Variants in TTN observed in about 807,000 individuals in gnomAD.
TTN encodes the protein titin, also known as connectin.
A neutral mutation model predicts 3,223.0 loss-of-function variants in TTN; 1,525 were observed. The observed-to-expected ratio is 0.47, with a 90% CI of 0.45 to 0.49. The LOEUF is 0.49. TTN is among the 20% of genes least tolerant of loss of function. The pLI, the probability that TTN is intolerant of heterozygous loss-of-function variation, is 0.00. For missense variants in TTN, 40,786 were observed against 43,424.0 expected (o/e 0.94, Z 5.40); for synonymous variants, 14,094 against 15,161.0 (o/e 0.93, Z 5.17).
At position 178,579,592 on chromosome 2, in the gene TTN, G is replaced by T. The variant is rs750847940; in HGVS notation, c.67605C>A (p.Ser22535Arg). The change falls in exon 319 of 363, where the codon AGC becomes AGA. Residue 22535 changes from serine to arginine, a missense_variant. Physicochemically the swap from Ser to Arg is moderately radical, Grantham distance 110 (BLOSUM62 -1). Transcript: ENST00000589042. ...CATCCCTTGCCACAACAGTGATTTC[G>T]CTTGGGGTTCCTTCTCCATTTTCAT... The part of the protein sequence containing the change: ...AENENGEGTP[S>R]EITVVARDDV... 1 of 1,613,206 alleles carries T rather than the reference G, an allele frequency of 6.2e-7. No homozygotes were observed. The highest frequency in any genetic ancestry group is 8.5e-7 in the Non-Finnish European group (1 of 1,179,480).
At chr2:178,610,068 G>A (rs530072789) in intron 271 of TTN, 22 bp downstream of exon 271, 2 of 1,612,488 alleles carry the variant, frequency 1.2e-6, no homozygotes, top group Admixed American at 1.7e-5. Flanking sequence ...CTTAGCCATA[G>A]TGCATCCATG....
At position 178,533,129 on chromosome 2, in the gene TTN, T is replaced by C. The variant is rs183912990; in HGVS notation, c.103486A>G (p.Thr34496Ala). 5.0e-6 allele frequency: 8 copies of C among 1,614,000 alleles called. No homozygotes were observed. In the Admixed American group the frequency reaches 5.0e-5, roughly 10 times the overall value. Reference protein sequence around the residue: ...ILSGTESVPLTQVAKEALREA... With the variant: ...ILSGTESVPLAQVAKEALREA... ...CTCAGAGCCTCTTTAGCTACCTGTG[T>C]CAGTGGTACACTTTCAGTTCCAGAA... Residue 34496 changes from threonine to alanine, a missense_variant, in exon 358 of 363, where the codon ACA becomes GCA. By Grantham distance (58) the Thr-to-Ala change is moderately conservative. Coordinates refer to ENST00000589042, the MANE Select transcript of TTN (RefSeq NM_001267550.2).
chr2:178,621,977 T>C lies in TTN; in HGVS notation c.44945A>G (p.Lys14982Arg). 2 of 1,610,408 alleles carry C rather than the reference T, an allele frequency of 1.2e-6. No homozygotes were observed. The highest frequency in any genetic ancestry group is 1.7e-6 in the Non-Finnish European group (2 of 1,178,062). ...VKWFKDGAEI[K>R]KGKKYDIISK... ...TATGATGTCATATTTTTTGCCCTTT[T>C]TAATTTCAGCACCATCTTTAAACCA... Residue 14982 changes from lysine to arginine, a missense_variant, in exon 244 of 363, where the codon AAA becomes AGA. By Grantham distance (26) the Lys-to-Arg change is conservative. Transcript: ENST00000589042.
At chr2:178,650,341 C>T (rs1028900103) in intron 209 of TTN, 70 bp from the exon 210 acceptor site, 26 of 1,299,364 alleles carry the variant, frequency 2.0e-5, no homozygotes, top group East Asian at 5.1e-5. Flanking sequence ...ACACTAAACA[C>T]GATAAATAGT....
At chr2:178,748,470 G>GT (rs752823706) in intron 47 of TTN, 1 of 1,612,986 alleles carries the variant, frequency 6.2e-7, no homozygotes, top group Admixed American at 1.7e-5. Flanking sequence ...TCTTTATAAT[G>GT]TATTTCCTGC....
intron 313 of TTN, 110 bp downstream of exon 313, chr2:178,582,830 G>T: frequency 9.6e-7 from 1 of 1,041,778 alleles, no homozygotes. Context: ...TCTGTGCATA[G>T]GAAATACACA....
Position 178,633,498 on chromosome 2 carries a change from T to C in TTN, c.42861A>G (p.Lys14287=). The part of the protein sequence containing the change: ...IKADGLRRIL[K]IKKADLKDKG... Reference sequence around the variant, plus strand: ...TATCTTTAAGGTCCGCCTTTTTGATTTTTAAGATGCGGCGCAGGCCATCTG... The same window carrying C: ...TATCTTTAAGGTCCGCCTTTTTGATCTTTAAGATGCGGCGCAGGCCATCTG... The change falls in exon 232 of 363, where the codon AAA becomes AAG. Residue 14287 remains lysine (K), a synonymous_variant. Transcript: ENST00000589042. The C allele has an allele frequency of 1.2e-5, 19 of 1,613,362 alleles. No homozygotes were observed. The highest frequency in any genetic ancestry group is 1.6e-5 in the Non-Finnish European group (19 of 1,179,606).
chr2:178,731,170 A>G lies in TTN; in HGVS notation c.17495T>C (p.Ile5832Thr), dbSNP rs1222549953. The G allele has an allele frequency of 2.5e-6, 4 of 1,613,520 alleles. No homozygotes were observed. Among genetic ancestry groups the G allele is most frequent in the East Asian group, 4.5e-5 (2 of 44,848 alleles). Residue 5832 changes from isoleucine to threonine, a missense_variant, in exon 60 of 363, where the codon ATA becomes ACA. Physicochemically the swap from Ile to Thr is moderately conservative, Grantham distance 89. Coordinates refer to ENST00000589042, the MANE Select transcript of TTN (RefSeq NM_001267550.2). ...GGCTGGGTCTCCTTGGGTGACATCT[A>G]TAGACACAGCTTCCTCGGTGATTGT... The part of the protein sequence containing the change: ...PATITEEAVS[I>T]DVTQGDPATL...
rs780754941 is a variant in TTN at position 178,570,778 on chromosome 2, T to G, written c.75354A>C (p.Lys25118Asn). The change falls in exon 326 of 363, where the codon AAA becomes AAC. Residue 25118 changes from lysine (K) to asparagine (N), a missense_variant. Physicochemically the swap from Lys to Asn is moderately conservative, Grantham distance 94 (BLOSUM62 0). Coordinates refer to ENST00000589042, the MANE Select transcript of TTN (RefSeq NM_001267550.2). ...PPRISMDPKY[K>N]DTIVVHAGES... Reference sequence around the variant, plus strand: ...CACCAGCATGAACCACGATTGTGTCTTTGTATTTTGGATCCATACTTATTC... The same window carrying G: ...CACCAGCATGAACCACGATTGTGTCGTTGTATTTTGGATCCATACTTATTC... The G allele has an allele frequency of 1.2e-5, 20 of 1,613,582 alleles. No homozygotes were observed. In the South Asian group the frequency reaches 2.0e-4, roughly 16 times the overall value.
chr2:178,537,817 A>G lies in TTN; in HGVS notation c.99390T>C (p.Pro33130=), dbSNP rs1292062163. The stretch of plus-strand genomic sequence containing the variant: ...TACCAAATCTGTACCATTTAATGTC[A>G]GGAAGAGGCCTTCCAACAATCTGGC... The part of the protein sequence containing the change: ...LSCQIVGRPL[P]DIKWYRFGKE... Residue 33130 remains proline (P), a synonymous_variant, in exon 355 of 363, where the codon CCT becomes CCC. Transcript: ENST00000589042. The G allele has an allele frequency of 1.9e-6, 3 of 1,613,630 alleles. No individual in the cohort carries two copies. The highest frequency in any genetic ancestry group is 1.7e-6 in the Non-Finnish European group (2 of 1,179,756).
chr2:178,719,669 A>T lies in TTN; in HGVS notation c.23823T>A (p.Asn7941Lys), dbSNP rs370320967. 1.9e-6 allele frequency: 3 copies of T among 1,613,570 alleles called. No homozygotes were observed. Among genetic ancestry groups the T allele is most frequent in the Non-Finnish European group, 2.5e-6 (3 of 1,179,744 alleles). ...ADSKHHITFINKVASLKIPCA... is the reference protein window; with the variant it reads ...ADSKHHITFIKKVASLKIPCA... The stretch of plus-strand genomic sequence containing the variant: ...AGGGGATTTTAAGGGAAGCCACTTT[A>T]TTGATGAATGTAATGTGATGTTTGC... The change falls in exon 82 of 363, where the codon AAT becomes AAA. Residue 7941 changes from asparagine (N) to lysine (K), a missense_variant. By Grantham distance (94) the Asn-to-Lys change is moderately conservative. Coordinates refer to ENST00000589042, the MANE Select transcript of TTN (RefSeq NM_001267550.2).
Position 178,771,286 on chromosome 2 carries a change from T to C in TTN, c.8041A>G (p.Thr2681Ala), listed in dbSNP as rs1412458944. ...TATTCTCCAATGTCATCTAATTTGG[T>C]GGCAGCAATGATAAGTCTCCTTTTG... ...GHKRRLIIAATKLDDIGEYTY... is the reference protein window; with the variant it reads ...GHKRRLIIAAAKLDDIGEYTY... Residue 2681 changes from threonine to alanine, a missense_variant, in exon 34 of 363, where the codon ACC (threonine) becomes GCC (alanine). Transcript: ENST00000589042. The C allele has an allele frequency of 6.2e-7, 1 of 1,614,070 alleles. No individual in the cohort carries two copies. Among genetic ancestry groups the C allele is most frequent in the South Asian group, 1.1e-5 (1 of 91,088 alleles).
intron 47 of TTN, chr2:178,750,955 C>A: frequency 6.2e-7 from 1 of 1,612,882 alleles, no homozygotes; most frequent in South Asian, 1.1e-5. Context: ...GTAGACTTTC[C>A]TTTACCAGTG....
Position 178,630,819 on chromosome 2 carries a change from G to C in TTN, c.44139C>G (p.Ala14713=). ...IHANWKLKGE[A]LLQTPDCEIK... is the part of the protein sequence containing the mutation. ...ATAGCCTTACAGGTGTTTGGAGTAG[G>C]GCCTCTCCCTTGAGTTTCCAGTTGG... Residue 14713 remains alanine, a synonymous_variant, in exon 238 of 363, where the codon GCC becomes GCG. Coordinates refer to ENST00000589042, the MANE Select transcript of TTN (RefSeq NM_001267550.2). 6.2e-7 allele frequency: 1 copy of C among 1,612,928 alleles called. No individual in the cohort carries two copies. Among genetic ancestry groups the C allele is most frequent in the South Asian group, 1.1e-5 (1 of 90,984 alleles).
Position 178,651,728 on chromosome 2 carries a change from G to A in TTN, c.39401C>T (p.Pro13134Leu). Residue 13134 changes from proline (P) to leucine (L), a missense_variant, in exon 206 of 363, where the codon CCT becomes CTT. Coordinates refer to ENST00000589042, the MANE Select transcript of TTN (RefSeq NM_001267550.2). Reference sequence around the variant, plus strand: ...AGCAGGTGCTTTCTTTTCTGGGACAGGTTTCTTAGGTGGTACGGTCACTAA... The same window carrying A: ...AGCAGGTGCTTTCTTTTCTGGGACAAGTTTCTTAGGTGGTACGGTCACTAA... The part of the protein sequence containing the change: ...PPQVTVPPKK[P>L]VPEKKAPAVV... 1 of 1,613,246 alleles carries A rather than the reference G, an allele frequency of 6.2e-7. No individual in the cohort carries two copies. The highest frequency in any genetic ancestry group is 8.5e-7 in the Non-Finnish European group (1 of 1,179,548).
rs753213447 is a variant in TTN, at chr2:178,664,460, C to A, written c.36280G>T (p.Val12094Leu). 1.1e-5 allele frequency: 17 copies of A among 1,609,248 alleles called. No individual in the cohort carries two copies. Among genetic ancestry groups the A allele is most frequent in the Non-Finnish European group, 1.4e-5 (17 of 1,177,782 alleles). The change falls in exon 168 of 363, where the codon GTG (valine) becomes TTG (leucine). Residue 12094 changes from valine to leucine, a missense_variant and splice_region_variant. Val to Leu is a conservative substitution (Grantham distance 32, BLOSUM62 1). Transcript: ENST00000589042. ...CATAAAAAGACAGTTAAGAATGTACCTTTGACAGGTACAACTTCAGCCCTT... is the reference window on the plus strand; with the variant it reads ...CATAAAAAGACAGTTAAGAATGTACATTTGACAGGTACAACTTCAGCCCTT... ...PQRAEVVPVK[V>L]HEAPKEIIPE...
Position 178,530,326 on chromosome 2 carries a change from G to C in TTN, c.106289C>G (p.Thr35430Ser). 1 of 1,613,982 alleles carries C rather than the reference G, an allele frequency of 6.2e-7. No homozygotes were observed. Among genetic ancestry groups the C allele is most frequent in the East Asian group, 2.2e-5 (1 of 44,882 alleles). ...TTTAGCAACACTGTCTGAAGAAACA[G>C]TTGTATCCTGCAACCCAGTAACAAT... ...PVIVTGLQDT[T>S]VSSDSVAKFA... is the part of the protein sequence containing the mutation. The change falls in exon 358 of 363, where the codon ACT (threonine) becomes AGT (serine). Residue 35430 changes from threonine to serine, a missense_variant. By Grantham distance (58) the Thr-to-Ser change is moderately conservative. Transcript: ENST00000589042.
At chr2:178,642,053 T>TC (rs2061308989) in intron 219 of TTN, among the ~76,000 whole-genome samples, 184 bp downstream of exon 219, 1 of 148,534 alleles carries the variant, frequency 6.7e-6, no homozygotes, top group South Asian at 2.1e-4. Context: ...AATTTCTGTC[T>TC]TTTTTTTTTA....
chr2:178,727,658 CTT>C lies in TTN; in HGVS notation c.19918_19919del (p.Lys6640AspfsTer11), dbSNP rs781617724. Reference protein sequence around the residue: ...FLNLYSVDASKTGQYTCHVTN... With the variant: ...FLNLYSVDASXTGQYTCHVTN... ...TAACATGGCAAGTATACTGTCCAGT[CTT>C]AGAAGCATCCACTGAGTAGAGATTT... On this transcript the variant is annotated frameshift_variant, in exon 68 of 363. Transcript: ENST00000589042. LOFTEE classifies it high-confidence loss of function. The C allele has an allele frequency of 6.2e-7, 1 of 1,612,878 alleles. No individual in the cohort carries two copies.
Sources: allele counts gnomAD v4.1 joint callset (sites outside exome capture counted in the v4.1 genomes callset), GRCh38; gene constraint gnomAD v4.1.1; transcripts MANE v1.5; gene names NCBI Gene and HGNC (gene_info 2026-07-23, HGNC 2026-07-21).